Variants in CKMT2 observed in about 807,000 individuals in gnomAD.
The protein encoded by CKMT2 is creatine kinase S-type, mitochondrial.
In CKMT2, 43 loss-of-function variants were observed where a neutral mutation model predicts 48.9. The observed-to-expected ratio is 0.88, with a 90% CI of 0.69 to 1.13. The LOEUF (loss-of-function observed/expected upper bound fraction) is 1.13. Among genes scored for constraint, CKMT2 ranks in the 50% most tolerant of loss-of-function variants. The pLI is 0.00. For missense variants in CKMT2, 472 were observed against 555.4 expected, an observed-to-expected ratio of 0.85 and a Z score of 1.51; for synonymous variants, 206 against 213.0, an observed-to-expected ratio of 0.97 and a Z score of 0.29.
At chr5:81,244,662 A>G (rs1756547467) in intron 1 of CKMT2, 1 of 152,150 alleles carries the variant, frequency 6.6e-6, no homozygotes, top group South Asian at 2.1e-4. Context: ...CACTGTGATG[A>G]CACATGAGGG....
rs534003033 is a variant in CKMT2, at chr5:81,259,407, A to T, written c.1014+153A>T. On this transcript the variant is annotated intron_variant, in intron 8 of 9. Coordinates refer to ENST00000254035, the MANE Select transcript of CKMT2 (RefSeq NM_001099735.2). ...AAAAAAATTAAGTTTGCCTCCAAAG[A>T]CATTTGTATTAGTTAGAATAAAAGG... 2.8e-5 allele frequency: 17 copies of T among 615,816 alleles called. No individual in the cohort carries two copies. In the South Asian group the frequency reaches 6.7e-4, roughly 24 times the overall value. The allele number at this position is 615,816 out of a possible 1,614,324, so 38.1% of individuals were successfully genotyped here. A position where few individuals can be genotyped will look rare whatever the true frequency, so the allele number is the denominator to read the frequency against.
chr5:81,260,011 A>T (rs900096754), intron 8 of CKMT2, among the ~76,000 whole-genome samples: 4 of 151,972 alleles, frequency 2.6e-5, no homozygotes, highest in African/African-American at 9.7e-5. Context: ...AACGGATATC[A>T]TAACAGTCTC....
chr5:81,262,157 G>T (rs1342887332), intron 8 of CKMT2, among the ~76,000 whole-genome samples: 2 of 152,028 alleles, frequency 1.3e-5, no homozygotes, highest in Admixed American at 1.3e-4. Flanking sequence ...ACTGAAACTG[G>T]ACCCCTTCCT....
At chr5:81,255,678 G>A (rs1271628648) in intron 5 of CKMT2, among the ~76,000 whole-genome samples, 1 of 152,162 alleles carries the variant, frequency 6.6e-6, no homozygotes, top group East Asian at 1.9e-4. Context: ...ATTTCCTGGT[G>A]GGGTTGATTC....
chr5:81,242,908 T>C (rs1449592284), intron 1 of CKMT2, among the ~76,000 whole-genome samples: 1 of 152,226 alleles, frequency 6.6e-6, no homozygotes, highest in Non-Finnish European at 1.5e-5. Flanking sequence ...AGGGAATAGG[T>C]CAAGATGCTA....
rs754569625 is a variant in CKMT2 at position 81,255,010 on chromosome 5, C to T, written c.465C>T (p.Phe155=). Residue 155 remains phenylalanine, a synonymous_variant, in exon 5 of 10, where the codon TTC becomes TTT. Coordinates refer to ENST00000254035, the MANE Select transcript of CKMT2 (RefSeq NM_001099735.2). ...LDASKITQGQ[F]DEHYVLSSRV... ...CTTGGCAGATCACCCAAGGGCAGTT[C>T]GACGAGCATTACGTGCTGTCTTCTC... 1.5e-5 allele frequency: 25 copies of T among 1,613,830 alleles called. No homozygotes were observed. The highest frequency in any genetic ancestry group is 1.7e-4 in the Middle Eastern group (1 of 6,058).
At chr5:81,238,838 T>C (rs1756338029) in intron 1 of CKMT2, 1 of 152,336 alleles carries the variant, frequency 6.6e-6, no homozygotes, top group African/African-American at 2.4e-5. Flanking sequence ...TCTCTCCTCT[T>C]TACTATTTTT....
At chr5:81,244,904 T>G (rs187608643) in intron 1 of CKMT2, 11 of 150,600 alleles carry the variant, frequency 7.3e-5, no homozygotes, top group Admixed American at 6.0e-4. Context: ...CAGGCTGTAG[T>G]GCAGAGGCAC....
At chr5:81,257,073 T>G in intron 6 of CKMT2, 73 bp downstream of exon 6, 1 of 1,256,346 alleles carries the variant, frequency 8.0e-7, no homozygotes, top group Non-Finnish European at 1.1e-6. Context: ...TATCCTAACC[T>G]GGAGTTGCTG....
At chr5:81,262,675 G>A (rs950407786) in intron 8 of CKMT2, among the ~76,000 whole-genome samples, 1 of 151,702 alleles carries the variant, frequency 6.6e-6, no homozygotes, top group Non-Finnish European at 1.5e-5. Context: ...AAAAAGTCAG[G>A]AAACAGTTGC....
At chr5:81,235,617 C>T (rs1229150665) in intron 1 of CKMT2, 1 of 152,300 alleles carries the variant, frequency 6.6e-6, no homozygotes, top group Non-Finnish European at 1.5e-5. Context: ...GAGGCAGTGA[C>T]AGAACCCAAG....
intron 1 of CKMT2, chr5:81,250,842 G>C (rs998334280): frequency 8.8e-6 from 2 of 227,532 alleles, no homozygotes; most frequent in Non-Finnish European, 8.7e-6. Context: ...CATATTAACA[G>C]AGAAAAGGCA....
At position 81,254,975 on chromosome 5, in the gene CKMT2, CCA is replaced by C. The variant is rs1430568948; in HGVS notation, c.448-15_448-14del. ...TGGTCCGAGGCTGGCCACAGTGACC[CCA>C]CAGTCTGCTTGGCAGATCACCCAAG... On this transcript the variant is annotated splice_polypyrimidine_tract_variant and intron_variant, in intron 4 of 9. Coordinates refer to ENST00000254035, the MANE Select transcript of CKMT2 (RefSeq NM_001099735.2). The C allele has an allele frequency of 1.9e-6, 3 of 1,609,848 alleles. No individual in the cohort carries two copies. Among genetic ancestry groups the C allele is most frequent in the South Asian group, 2.2e-5 (2 of 90,974 alleles).
chr5:81,262,170 C>A (rs538845163), intron 8 of CKMT2, among the ~76,000 whole-genome samples: 1 of 152,286 alleles, frequency 6.6e-6, no homozygotes, highest in Non-Finnish European at 1.5e-5. Context: ...CCCTTCCTTA[C>A]ACTTTATACA....
At chr5:81,259,277 C>T in intron 8 of CKMT2, 23 bp downstream of exon 8, 1 of 1,606,466 alleles carries the variant, frequency 6.2e-7, no homozygotes, top group African/African-American at 1.3e-5. Context: ...GCCCAGTGGC[C>T]CTGATGGGCC....
intron 1 of CKMT2, chr5:81,238,514 G>A (rs1290121442): frequency 6.6e-6 from 1 of 152,156 alleles, no homozygotes; most frequent in African/African-American, 2.4e-5. Flanking sequence ...CATTGGTCTG[G>A]GGTCAGCCTT....
At chr5:81,235,765 C>T (rs1367755633) in intron 1 of CKMT2, 2 of 152,188 alleles carry the variant, frequency 1.3e-5, no homozygotes, top group Non-Finnish European at 2.9e-5. Context: ...ATGTAGCTGT[C>T]GTTGTTTTTT....
At chr5:81,250,776 G>A (rs1042431311) in intron 1 of CKMT2, 1 of 168,358 alleles carries the variant, frequency 5.9e-6, no homozygotes, top group Admixed American at 6.0e-5. Flanking sequence ...TAGAGCATAT[G>A]GTCTGTCAAA....
chr5:81,250,261 C>G (rs553862192), intron 1 of CKMT2, among the ~76,000 whole-genome samples: 2 of 152,302 alleles, frequency 1.3e-5, no homozygotes, highest in East Asian at 3.9e-4. Context: ...TCTTACAAAT[C>G]AACTTGGTCA....
Sources: gnomAD v4.1 joint callset for allele counts (sites outside exome capture counted in the v4.1 genomes callset) on GRCh38, gnomAD v4.1.1 for gene constraint, MANE v1.5 for transcripts, NCBI Gene and HGNC (gene_info 2026-07-23, HGNC 2026-07-21) for gene names.